Variants in PCDHA1 observed in about 807,000 individuals in gnomAD.
PCDHA1 encodes protocadherin alpha-1.
Under a neutral mutation model 61.3 loss-of-function variants are expected in PCDHA1, and 42 were observed. The ratio of observed to expected loss-of-function variants is 0.69; its 90% confidence interval spans 0.54 to 0.89. The LOEUF (loss-of-function observed/expected upper bound fraction) is 0.89. Ranked by LOEUF, PCDHA1 falls within the 40% of genes least tolerant of loss-of-function variation. PCDHA1 has a pLI of 0.00. For missense variants in PCDHA1, 1,256 were observed against 1,235.3 expected, an observed-to-expected ratio of 1.02 and a Z score of -0.25; for synonymous variants, 610 against 553.8, an observed-to-expected ratio of 1.10 and a Z score of -1.43.
intron 1 of PCDHA1, among the ~76,000 whole-genome samples, chr5:140,950,285 C>T (rs1314594266): frequency 1.3e-5 from 2 of 151,926 alleles, no homozygotes; most frequent in African/African-American, 4.8e-5. Context: ...TTTGCTTCAA[C>T]CTGAAAAACT....
At chr5:140,910,523 T>TC (rs2153515069) in intron 1 of PCDHA1, among the ~76,000 whole-genome samples, 1 of 152,338 alleles carries the variant, frequency 6.6e-6, no homozygotes, top group African/African-American at 2.4e-5. Flanking sequence ...ATGCAGGTAC[T>TC]CCCCTCACAA....
chr5:140,820,904 G>T (rs1766854844), intron 1 of PCDHA1, among the ~76,000 whole-genome samples: 1 of 151,816 alleles, frequency 6.6e-6, no homozygotes, highest in South Asian at 2.1e-4. Context: ...TACCAAAGTC[G>T]TTCTATTATG....
rs187345731 is a variant in PCDHA1, at chr5:140,885,533, C to T, written c.2395-93416C>T. Among the ~76,000 whole-genome samples, 472 of 152,120 alleles carry T rather than the reference C, an allele frequency of 3.1e-3. 3 individuals carry two copies. Among genetic ancestry groups the T allele is most frequent in the Middle Eastern group, 0.014 (4 of 294 alleles). On this transcript the variant is annotated intron_variant, in intron 1 of 3. Coordinates refer to ENST00000504120, the MANE Select transcript of PCDHA1 (RefSeq NM_018900.4). Reference sequence around the variant, plus strand: ...CTGTGCTATCATTTCATATATTTCCCAAAATATTGGTGTTATTTCTACGAA... The same window carrying T: ...CTGTGCTATCATTTCATATATTTCCTAAAATATTGGTGTTATTTCTACGAA...
At chr5:140,802,931 C>A (rs1166121837) in intron 1 of PCDHA1, 1 of 1,613,784 alleles carries the variant, frequency 6.2e-7, no homozygotes, top group South Asian at 1.1e-5. Context: ...GCGCAGTGAG[C>A]GAGCTGGTGC....
At chr5:140,992,318 C>G (rs2097504992) in intron 3 of PCDHA1, among the ~76,000 whole-genome samples, 1 of 152,128 alleles carries the variant, frequency 6.6e-6, no homozygotes, top group African/African-American at 2.4e-5. Flanking sequence ...TGGGCATTCC[C>G]TTTTCTAAGA....
chr5:140,871,935 T>A (rs373740331), intron 1 of PCDHA1, among the ~76,000 whole-genome samples: 2 of 152,262 alleles, frequency 1.3e-5, no homozygotes, highest in Non-Finnish European at 2.9e-5. Flanking sequence ...TTAGATCAAC[T>A]GGCTTTGTTT....
chr5:140,803,777 A>G, intron 1 of PCDHA1: 2 of 994,492 alleles, frequency 2.0e-6, no homozygotes, highest in South Asian at 3.4e-5. Context: ...CCAAATCAGC[A>G]GTAAGTTATG....
intron 1 of PCDHA1, chr5:140,866,765 C>G (rs1053050045): frequency 6.6e-6 from 1 of 152,122 alleles, no homozygotes; most frequent in Non-Finnish European, 1.5e-5. Context: ...GACATACAGG[C>G]AGATTGTATG....
rs61743798 is a variant in PCDHA1 at position 140,788,483 on chromosome 5, G to T, written c.2193G>T (p.Ala731=). 4 of 1,613,980 alleles carry T rather than the reference G, an allele frequency of 2.5e-6. No individual in the cohort carries two copies. The highest frequency in any genetic ancestry group is 3.4e-6 in the Non-Finnish European group (4 of 1,180,006). Residue 731 remains alanine, a synonymous_variant, in exon 1 of 4, where the codon GCG becomes GCT. Transcript: ENST00000504120. ...GCTCAGTGCCGCCCACTGAGGGTGC[G>T]TATGTGCCGGGCAAGCCCACTCTGG... ...LRCSVPPTEG[A]YVPGKPTLVC...
intron 1 of PCDHA1, chr5:140,871,449 G>A: frequency 6.2e-7 from 1 of 1,608,762 alleles, no homozygotes; most frequent in Non-Finnish European, 8.5e-7. Context: ...TGAATAAAGA[G>A]GAGGAAGGGG....
chr5:140,845,193 T>C (rs1160723646), intron 1 of PCDHA1, among the ~76,000 whole-genome samples: 1 of 149,378 alleles, frequency 6.7e-6, no homozygotes, highest in Non-Finnish European at 1.5e-5. Context: ...AAAAATATGA[T>C]TGTTTTCATT....
At chr5:140,856,703 C>T (rs1413055800) in intron 1 of PCDHA1, 1 of 1,596,452 alleles carries the variant, frequency 6.3e-7, no homozygotes, top group Non-Finnish European at 8.6e-7. Context: ...TGGAGGCAAA[C>T]CTGAATTTAC....
chr5:140,839,279 C>T (rs1208423796), intron 1 of PCDHA1, among the ~76,000 whole-genome samples: 7 of 151,924 alleles, frequency 4.6e-5, no homozygotes, highest in Non-Finnish European at 1.0e-4. Context: ...TAAAACCTTC[C>T]TAGCATATTA....
chr5:140,803,149 T>A, intron 1 of PCDHA1: 2 of 1,613,856 alleles, frequency 1.2e-6, no homozygotes, highest in Non-Finnish European at 1.7e-6. Context: ...CTGGTGCTGG[T>A]GAAGGACCAC....
At position 140,886,685 on chromosome 5, in the gene PCDHA1, G is replaced by A. The variant is rs1250817978; in HGVS notation, c.2395-92264G>A. On this transcript the variant is annotated intron_variant, in intron 1 of 3. Transcript: ENST00000504120. The stretch of plus-strand genomic sequence containing the variant: ...TACTAAAAATACAAAAATTAGCGAG[G>A]CATGGTGGCACGCGCCTGTAATCCC... Among the ~76,000 whole-genome samples the A allele has an allele frequency of 2.6e-5, 4 of 152,080 alleles. No homozygotes were observed. In the East Asian group the frequency reaches 7.8e-4, roughly 30 times the overall value.
At chr5:140,878,859 C>T (rs2057755620) in intron 1 of PCDHA1, among the ~76,000 whole-genome samples, 1 of 152,188 alleles carries the variant, frequency 6.6e-6, no homozygotes, top group African/African-American at 2.4e-5. Flanking sequence ...TTCAACTGAT[C>T]CTCCATTTCA....
intron 1 of PCDHA1, chr5:140,841,760 A>C: frequency 6.2e-7 from 1 of 1,613,864 alleles, no homozygotes; most frequent in Non-Finnish European, 8.5e-7. Flanking sequence ...AGAATCCAGA[A>C]TGCCAGACTC....
At chr5:140,834,176 G>A (rs1772828116) in intron 1 of PCDHA1, 1 of 555,612 alleles carries the variant, frequency 1.8e-6, no homozygotes, top group Admixed American at 3.3e-5. Context: ...TTACATGATG[G>A]CCACATGATG....
intron 1 of PCDHA1, chr5:140,870,744 C>G: frequency 3.7e-6 from 6 of 1,613,474 alleles, no homozygotes; most frequent in Non-Finnish European, 5.1e-6. Flanking sequence ...TGAGCAGCAA[C>G]GTGACGCTGC....
Sources: gnomAD v4.1 joint callset for allele counts (sites outside exome capture counted in the v4.1 genomes callset) on GRCh38, gnomAD v4.1.1 for gene constraint, MANE v1.5 for transcripts, NCBI Gene and HGNC (gene_info 2026-07-23, HGNC 2026-07-21) for gene names.